EYS: variants seen among roughly 807,000 people sequenced by gnomAD.
The protein encoded by EYS is protein eyes shut homolog.
In EYS, 250 loss-of-function variants were observed where a neutral mutation model predicts 282.1. That is an observed-to-expected ratio of 0.89 (90% CI 0.80 to 0.98). EYS has a LOEUF of 0.98. Among genes scored for constraint, EYS ranks in the 50% least tolerant of loss-of-function variants. The pLI is 0.00. For synonymous variants in EYS, 1,355 were observed against 1,282.9 expected (o/e 1.06, Z -1.20); for missense variants, 4,016 against 3,709.0 (o/e 1.08, Z -2.15).
At chr6:64,858,698 A>C (rs1255200795) in intron 19 of EYS, among the ~76,000 whole-genome samples, 1 of 152,184 alleles carries the variant, frequency 6.6e-6, no homozygotes, top group Non-Finnish European at 1.5e-5. Flanking sequence ...CAATAAATGC[A>C]GGATACCAAT....
chr6:64,131,471 A>T (rs1275831916), intron 31 of EYS, among the ~76,000 whole-genome samples: 1 of 152,164 alleles, frequency 6.6e-6, no homozygotes, highest in African/African-American at 2.4e-5. Flanking sequence ...TATGCTCTTA[A>T]CCATTAGGCT....
chr6:65,658,010 G>C (rs1442320710), intron 1 of EYS, among the ~76,000 whole-genome samples: 2 of 151,768 alleles, frequency 1.3e-5, no homozygotes, highest in Non-Finnish European at 3.0e-5. Context: ...TAGCAAGAAA[G>C]TATTTTTAAT....
chr6:64,109,094 T>C (rs575649143), intron 31 of EYS, among the ~76,000 whole-genome samples: 16 of 152,234 alleles, frequency 1.1e-4, no homozygotes, highest in Admixed American at 3.3e-4. Flanking sequence ...GCTATTGCAT[T>C]CAGTAGAACA....
rs539844013 is a variant in EYS, at chr6:64,536,930, T to C, written c.5644+53293A>G. On this transcript the variant is annotated intron_variant, in intron 26 of 42. Coordinates refer to ENST00000503581, the MANE Select transcript of EYS (RefSeq NM_001142800.2). Reference sequence around the variant, plus strand: ...TAATAGACCACTTTGTCCAAGAATCTTTTTTCCCTCAATTAATATACATTT... The same window carrying C: ...TAATAGACCACTTTGTCCAAGAATCCTTTTTCCCTCAATTAATATACATTT... 9.2e-5 allele frequency among the ~76,000 whole-genome samples: 14 copies of C among 152,048 alleles called. No homozygotes were observed. The East Asian group carries it at 2.1e-3, about 23-fold the overall frequency.
intron 35 of EYS, among the ~76,000 whole-genome samples, chr6:63,912,686 C>T (rs959178875): frequency 5.3e-5 from 8 of 152,058 alleles, no homozygotes; most frequent in Non-Finnish European, 8.8e-5. Flanking sequence ...GTGGATTTCT[C>T]ATGAATGGTT....
At chr6:65,137,054 C>T (rs1348934509) in intron 12 of EYS, among the ~76,000 whole-genome samples, 3 of 151,902 alleles carry the variant, frequency 2.0e-5, no homozygotes, top group Admixed American at 2.0e-4. Flanking sequence ...TGCAGATATT[C>T]GAGATACACA....
At chr6:65,175,555 T>G (rs985241821) in intron 12 of EYS, among the ~76,000 whole-genome samples, 4 of 151,458 alleles carry the variant, frequency 2.6e-5, no homozygotes, top group South Asian at 2.1e-4. Flanking sequence ...AAGAGTGTTG[T>G]TTGTGGTCAT....
At chr6:63,880,493 A>ATCTATCTG (rs1562076085) in intron 35 of EYS, among the ~76,000 whole-genome samples, 1 of 151,390 alleles carries the variant, frequency 6.6e-6, no homozygotes, top group East Asian at 1.9e-4. Flanking sequence ...GTCTGTATCT[A>ATCTATCTG]TCTATCTATC....
At chr6:65,665,024 T>A (rs1768149349) in intron 1 of EYS, among the ~76,000 whole-genome samples, 1 of 152,164 alleles carries the variant, frequency 6.6e-6, no homozygotes, top group Non-Finnish European at 1.5e-5. Context: ...TGCAGTTAAA[T>A]GTACCCAGTT....
At chr6:63,862,382 G>A (rs1383393453) in intron 36 of EYS, among the ~76,000 whole-genome samples, 1 of 151,758 alleles carries the variant, frequency 6.6e-6, no homozygotes, top group Non-Finnish European at 1.5e-5. Context: ...TAATTATTTT[G>A]AGAAATTCTT....
chr6:63,969,549 G>A (rs1766458841), intron 35 of EYS, among the ~76,000 whole-genome samples: 1 of 152,136 alleles, frequency 6.6e-6, no homozygotes, highest in African/African-American at 2.4e-5. Context: ...ATAACCTCAA[G>A]CAGTACTATT....
chr6:64,747,921 T>C (rs190337591), intron 22 of EYS, among the ~76,000 whole-genome samples: 72 of 152,332 alleles, frequency 4.7e-4, no homozygotes, highest in African/African-American at 1.7e-3. Context: ...AAATTCTGTT[T>C]TTATGTCTGC....
At chr6:65,294,051 G>A (rs1159693564) in intron 12 of EYS, among the ~76,000 whole-genome samples, 1 of 151,672 alleles carries the variant, frequency 6.6e-6, no homozygotes, top group Non-Finnish European at 1.5e-5. Context: ...AGGGAAGGAG[G>A]AGGATCATAT....
At chr6:64,394,972 G>T (rs1298689144) in intron 28 of EYS, among the ~76,000 whole-genome samples, 13 of 152,116 alleles carry the variant, frequency 8.5e-5, no homozygotes, top group Non-Finnish European at 1.8e-4. Context: ...GTGGGCGAAG[G>T]ATATGAACAG....
At chr6:64,685,285 C>G (rs1227934146) in intron 22 of EYS, among the ~76,000 whole-genome samples, 1 of 96,144 alleles carries the variant, frequency 1.0e-5, no homozygotes, top group Non-Finnish European at 2.3e-5. Flanking sequence ...TTCAAAGATT[C>G]TTTATAAATA....
chr6:64,590,498 T>C lies in EYS; in HGVS notation c.5369A>G (p.Asn1790Ser). 7 of 1,551,450 alleles carry C rather than the reference T, an allele frequency of 4.5e-6. No homozygotes were observed. The highest frequency in any genetic ancestry group is 1.4e-5 in the African/African-American group (1 of 73,138). Residue 1790 changes from asparagine (N) to serine (S), a missense_variant, in exon 26 of 43, where the codon AAT (asparagine) becomes AGT (serine). Coordinates refer to ENST00000503581, the MANE Select transcript of EYS (RefSeq NM_001142800.2). ...TGCTGAAACTGTATAAAATGCAACA[T>C]TGGTGGTGACTTCTGAAAAATCAGG... ...SVPDFSEVTT[N>S]VAFYTVSATP...
chr6:64,764,454 T>C (rs1369442658), intron 22 of EYS, among the ~76,000 whole-genome samples: 1 of 152,210 alleles, frequency 6.6e-6, no homozygotes, highest in African/African-American at 2.4e-5. Context: ...CAGGGTGCCA[T>C]GTCTCATGGT....
At chr6:63,809,601 G>C (rs1770989328) in intron 36 of EYS, among the ~76,000 whole-genome samples, 1 of 152,108 alleles carries the variant, frequency 6.6e-6, no homozygotes, top group Admixed American at 6.5e-5. Flanking sequence ...AAAATAAATT[G>C]TTTAGTGTGT....
At position 63,774,373 on chromosome 6, in the gene EYS, T is replaced by G. The variant is rs187027403; in HGVS notation, c.7898+3633A>C. On this transcript the variant is annotated intron_variant, in intron 40 of 42. Coordinates refer to ENST00000503581, the MANE Select transcript of EYS (RefSeq NM_001142800.2). ...TAGTAGAGATGGGGTTTTGCCATGT[T>G]GACCAGGCTGGTCTTGAACTCCTGA... Among the ~76,000 whole-genome samples the G allele has an allele frequency of 3.8e-3, 582 of 152,290 alleles. 5 individuals are homozygous for G. Among genetic ancestry groups the G allele is most frequent in the African/African-American group, 0.013 (554 of 41,564 alleles).
Sources: gnomAD v4.1 joint callset for allele counts (sites outside exome capture counted in the v4.1 genomes callset) on GRCh38, gnomAD v4.1.1 for gene constraint, MANE v1.5 for transcripts, NCBI Gene and HGNC (gene_info 2026-07-23, HGNC 2026-07-21) for gene names.